Variants in IFT52 observed in about 807,000 individuals in gnomAD.
The protein encoded by IFT52 is intraflagellar transport protein 52 homolog.
IFT52 carries 44 observed loss-of-function variants against 54.4 expected under a neutral mutation model. The ratio of observed to expected loss-of-function variants is 0.81; its 90% CI spans 0.63 to 1.04. The LOEUF (loss-of-function observed/expected upper bound fraction) is 1.04, where lower values mean the gene tolerates loss of function less well. Among genes scored for constraint, IFT52 ranks in the 50% least tolerant of loss-of-function variants. The pLI, the probability that IFT52 is intolerant of heterozygous loss-of-function variation, is 0.00. For missense variants in IFT52, 452 were observed against 523.6 expected (o/e 0.86, Z 1.33); for synonymous variants, 181 against 185.3 (o/e 0.98, Z 0.19).
intron 6 of IFT52, among the ~76,000 whole-genome samples, chr20:43,613,134 C>T (rs573276652): frequency 3.3e-5 from 5 of 152,154 alleles, no homozygotes; most frequent in East Asian, 1.9e-4. Flanking sequence ...TCCATTATAG[C>T]GTATATTTAT....
At chr20:43,632,509 C>T (rs1985244086) in intron 10 of IFT52, among the ~76,000 whole-genome samples, 2 of 152,164 alleles carry the variant, frequency 1.3e-5, no homozygotes, top group Non-Finnish European at 1.5e-5. Flanking sequence ...GATCCACCCA[C>T]CTCAGCCTCC....
At chr20:43,596,003 A>G (rs1981927166) in intron 2 of IFT52, among the ~76,000 whole-genome samples, 1 of 152,248 alleles carries the variant, frequency 6.6e-6, no homozygotes, top group Non-Finnish European at 1.5e-5. Context: ...AATTATACAC[A>G]TGTAGCTTTT....
At chr20:43,641,838 G>C (rs928033496) in intron 12 of IFT52, among the ~76,000 whole-genome samples, 12 of 151,478 alleles carry the variant, frequency 7.9e-5, no homozygotes, top group African/African-American at 2.4e-4. Flanking sequence ...CTGTTGCCCG[G>C]GGTGGAGTGC....
At chr20:43,602,146 TA>T (rs1441102055) in intron 3 of IFT52, among the ~76,000 whole-genome samples, 1 of 146,684 alleles carries the variant, frequency 6.8e-6, no homozygotes, top group African/African-American at 2.6e-5. Context: ...ATTTTTATTT[TA>T]TTTATTTATT....
chr20:43,641,995 T>G (rs966917300), intron 12 of IFT52, among the ~76,000 whole-genome samples: 1 of 152,146 alleles, frequency 6.6e-6, no homozygotes, highest in Non-Finnish European at 1.5e-5. Flanking sequence ...GGTTTTGCCA[T>G]GTTGGCCAGG....
At chr20:43,623,422 A>G (rs1315031633) in intron 9 of IFT52, among the ~76,000 whole-genome samples, 2 of 152,136 alleles carry the variant, frequency 1.3e-5, no homozygotes, top group Non-Finnish European at 2.9e-5. Context: ...CCTGGGCTCA[A>G]GCGATCCACT....
At position 43,628,012 on chromosome 20, in the gene IFT52, C is replaced by T. The variant is rs188130401; in HGVS notation, c.923+3967C>T. ...CACGATCTCGGCTCACTGCAGCCTCCGCCTCTCAGGTTCAAGTGATCCTCC... is the reference window on the plus strand; with the variant it reads ...CACGATCTCGGCTCACTGCAGCCTCTGCCTCTCAGGTTCAAGTGATCCTCC... On this transcript the variant is annotated intron_variant, in intron 10 of 13. Coordinates refer to ENST00000373030, the MANE Select transcript of IFT52 (RefSeq NM_016004.5). 6.6e-5 allele frequency among the ~76,000 whole-genome samples: 10 copies of T among 150,508 alleles called. No homozygotes were observed. In the East Asian group the frequency reaches 7.9e-4, roughly 12 times the overall value.
At chr20:43,620,790 T>C in intron 8 of IFT52, 67 bp from the exon 9 acceptor site, 1 of 1,098,860 alleles carries the variant, frequency 9.1e-7, no homozygotes, top group Non-Finnish European at 1.4e-6. Flanking sequence ...TTTAATTCTC[T>C]AGTCCTGACC....
chr20:43,635,890 C>A, intron 10 of IFT52, 36 bp from the exon 11 acceptor site: 2 of 1,592,812 alleles, frequency 1.3e-6, no homozygotes, highest in Admixed American at 1.7e-5. Flanking sequence ...GCTATAGTGT[C>A]TTGATCCCTG....
intron 2 of IFT52, 55 bp from the exon 3 acceptor site, chr20:43,596,380 C>A: frequency 1.8e-6 from 2 of 1,137,232 alleles, no homozygotes; most frequent in Non-Finnish European, 2.6e-6. Context: ...TAAAATAATA[C>A]ATAAATTGGT....
chr20:43,594,303 G>A lies in IFT52; in HGVS notation c.-6-390G>A, dbSNP rs1455714531. Among the ~76,000 whole-genome samples, 10 of 152,152 alleles carry A rather than the reference G, an allele frequency of 6.6e-5. No individual in the cohort carries two copies. The South Asian group carries it at 8.3e-4, about 13-fold the overall frequency. ...AACCTGGGAGACAGAGCAAGACTCC[G>A]TCTCAAAAAAAAGAAAAATAGAATC... On this transcript the variant is annotated intron_variant, in intron 1 of 13. Transcript: ENST00000373030.
rs1294695277 is a variant in IFT52, at chr20:43,606,880, T to C, written c.485+1807T>C. ...TAACCCTGAGTGGACACAGCACATG[T>C]TTCAGAGAGCACAGGGTTGGGGGTA... On this transcript the variant is annotated intron_variant, in intron 6 of 13. Transcript: ENST00000373030. Among the ~76,000 whole-genome samples, 16 of 152,162 alleles carry C rather than the reference T, an allele frequency of 1.1e-4. 1 individual carries two copies. The highest frequency in any genetic ancestry group is 9.2e-4 in the Admixed American group (14 of 15,268).
chr20:43,624,181 C>A, intron 10 of IFT52, 136 bp downstream of exon 10: 1 of 967,556 alleles, frequency 1.0e-6, no homozygotes, highest in South Asian at 1.6e-5. Context: ...ATGATGAGGT[C>A]AACAAAGAAA....
chr20:43,646,849 A>C, intron 13 of IFT52, 87 bp from the exon 14 acceptor site: 1 of 1,081,444 alleles, frequency 9.2e-7, no homozygotes, highest in Non-Finnish European at 1.4e-6. Context: ...AAAGATTCAG[A>C]ATCTCTAAAG....
At chr20:43,623,770 A>T in intron 9 of IFT52, 121 bp from the exon 10 acceptor site, 1 of 1,122,464 alleles carries the variant, frequency 8.9e-7, no homozygotes. Flanking sequence ...GTGATCATGA[A>T]CAGTAAAATT....
intron 7 of IFT52, among the ~76,000 whole-genome samples, chr20:43,614,319 C>T (rs1157863109): frequency 6.6e-6 from 1 of 151,400 alleles, no homozygotes; most frequent in Non-Finnish European, 1.5e-5. Flanking sequence ...ACTGCAAGCT[C>T]CACCTCCCGG....
At chr20:43,639,771 G>A (rs972871500) in intron 12 of IFT52, among the ~76,000 whole-genome samples, 8 of 151,834 alleles carry the variant, frequency 5.3e-5, no homozygotes, top group African/African-American at 1.7e-4. Context: ...CCCAAGAGTT[G>A]GAGGCTGCAG....
chr20:43,614,530 A>AC (rs1983710353), intron 7 of IFT52, among the ~76,000 whole-genome samples: 1 of 149,928 alleles, frequency 6.7e-6, no homozygotes, highest in Admixed American at 6.6e-5. Flanking sequence ...TTTTAAAATA[A>AC]CTTTTTTTTT....
At chr20:43,603,952 C>A in intron 4 of IFT52, 63 bp downstream of exon 4, 1 of 1,189,942 alleles carries the variant, frequency 8.4e-7, no homozygotes, top group Non-Finnish European at 1.2e-6. Context: ...GATATCATAG[C>A]CCTCTAGGTC....
Sources: gnomAD v4.1 joint callset for allele counts (sites outside exome capture counted in the v4.1 genomes callset) on GRCh38, gnomAD v4.1.1 for gene constraint, MANE v1.5 for transcripts, NCBI Gene and HGNC (gene_info 2026-07-23, HGNC 2026-07-21) for gene names.